Variants in LIG1 observed in about 807,000 individuals in gnomAD.
LIG1 encodes ligase I, DNA, ATP-dependent.
LIG1 carries 70 observed loss-of-function variants against 115.7 expected under a neutral mutation model. That is an observed-to-expected ratio of 0.60 (90% CI 0.50 to 0.74). The LOEUF is 0.74. LIG1 is among the 30% of genes least tolerant of loss of function. The probability of loss-of-function intolerance (pLI) is 0.00; values close to 1 mark genes in which losing one functional copy is unlikely to be tolerated. For synonymous variants in LIG1, 487 were observed against 495.3 expected, an observed-to-expected ratio of 0.98 and a Z score of 0.22; for missense variants, 1,115 against 1,225.6, an observed-to-expected ratio of 0.91 and a Z score of 1.35.
intron 9 of LIG1, among the ~76,000 whole-genome samples, chr19:48,145,712 A>G (rs1239087355): frequency 1.3e-5 from 2 of 152,190 alleles, no homozygotes; most frequent in African/African-American, 2.4e-5. Flanking sequence ...GGCTAGAACC[A>G]CAATGCTGCC....
At chr19:48,139,414 G>C (rs189262853) in intron 12 of LIG1, among the ~76,000 whole-genome samples, 3 of 152,208 alleles carry the variant, frequency 2.0e-5, no homozygotes, top group Admixed American at 2.0e-4. Context: ...CTACAGCTGG[G>C]GTCCAGCTCC....
chr19:48,121,839 C>T (rs3731018), intron 23 of LIG1, among the ~76,000 whole-genome samples: 3 of 152,138 alleles, frequency 2.0e-5, no homozygotes, highest in Admixed American at 6.5e-5. Context: ...AAATGGGAAA[C>T]GCAGGCGGGA....
At chr19:48,141,477 G>T (rs193098249) in intron 11 of LIG1, among the ~76,000 whole-genome samples, 1 of 152,152 alleles carries the variant, frequency 6.6e-6, no homozygotes, top group Admixed American at 6.5e-5. Flanking sequence ...CCCCTCTGAG[G>T]TAGGTACCAT....
intron 4 of LIG1, among the ~76,000 whole-genome samples, chr19:48,157,882 A>G (rs2035949909): frequency 6.6e-6 from 1 of 152,140 alleles, no homozygotes; most frequent in African/African-American, 2.4e-5. Flanking sequence ...TTCCCTCCAG[A>G]TCGCATGTTG....
rs192906611 is a variant in LIG1 at position 48,117,491 on chromosome 19, T to C, written c.2583+147A>G. On this transcript the variant is annotated intron_variant, in intron 26 of 27. Coordinates refer to ENST00000263274, the MANE Select transcript of LIG1 (RefSeq NM_000234.3). The stretch of plus-strand genomic sequence containing the variant: ...TAAAGAAAAAATGTTTTGATCTTTT[T>C]ATCTGACACTCAAATAAAATGCAAG... 6.8e-3 allele frequency: 6,260 copies of C among 925,666 alleles called. 39 individuals carry two copies. Among genetic ancestry groups the C allele is most frequent in the Non-Finnish European group, 8.3e-3 (5,036 of 609,640 alleles). The allele number at this position is 925,666 out of a possible 1,614,324, so 57.3% of individuals were successfully genotyped here.
intron 12 of LIG1, 67 bp downstream of exon 12, chr19:48,139,904 C>T: frequency 6.4e-7 from 1 of 1,562,436 alleles, no homozygotes. Context: ...TCCGATCCAC[C>T]TGACCTCTGC....
In LIG1 at chr19:48,165,609, G is replaced by A. The variant is rs368100309; in HGVS notation, c.-43C>T. 1.9e-4 allele frequency: 300 copies of A among 1,613,458 alleles called. No individual in the cohort carries two copies. Among genetic ancestry groups the A allele is most frequent in the Middle Eastern group, 6.6e-4 (4 of 6,062 alleles). On this transcript the variant is annotated 5_prime_UTR_variant, in exon 2 of 28. It adds an upstream start codon to the 5' untranslated region. Coordinates refer to ENST00000263274, the MANE Select transcript of LIG1 (RefSeq NM_000234.3). ...CCCTTCCTGTCCAGCACTTTTCTTCGTCTGTCAGCTGCTCCTGGAACAGAA... is the reference window on the plus strand; with the variant it reads ...CCCTTCCTGTCCAGCACTTTTCTTCATCTGTCAGCTGCTCCTGGAACAGAA...
intron 4 of LIG1, among the ~76,000 whole-genome samples, chr19:48,157,394 C>T (rs1371983550): frequency 6.6e-6 from 1 of 152,150 alleles, no homozygotes; most frequent in Non-Finnish European, 1.5e-5. Flanking sequence ...TCTCCTGCTT[C>T]AGCCTCCCAA....
At position 48,137,582 on chromosome 19, in the gene LIG1, C is replaced by A. The variant is rs749379097; in HGVS notation, c.1194G>T (p.Pro398=). 1.2e-6 allele frequency: 2 copies of A among 1,613,234 alleles called. No homozygotes were observed. The highest frequency in any genetic ancestry group is 1.7e-6 in the Non-Finnish European group (2 of 1,180,004). Residue 398 remains proline, a synonymous_variant, in exon 13 of 28, where the codon CCG becomes CCT. Transcript: ENST00000263274. This position sits in a 1 kb window ranked among gnomAD's most constrained non-coding sequence, Gnocchi z 4.3. Reference sequence around the variant, plus strand: ...TGCTGAAGACCCCGGAGGCAGTGAGCGGAGGTGGTGGCAGCATGAGCCTCT... The same window carrying A: ...TGCTGAAGACCCCGGAGGCAGTGAGAGGAGGTGGTGGCAGCATGAGCCTCT... The part of the protein sequence containing the change: ...STQRLMLPPP[P]LTASGVFSKF...
At position 48,117,713 on chromosome 19, in the gene LIG1, C is replaced by T; in HGVS notation, c.2508G>A (p.Leu836=). 1 of 1,613,044 alleles carries T rather than the reference C, an allele frequency of 6.2e-7. No individual in the cohort carries two copies. The highest frequency in any genetic ancestry group is 8.5e-7 in the Non-Finnish European group (1 of 1,179,756). Residue 836 remains leucine, a synonymous_variant, in exon 26 of 28, where the codon CTG becomes CTA. Coordinates refer to ENST00000263274, the MANE Select transcript of LIG1 (RefSeq NM_000234.3). ...IDGAVIPDHW[L]DPSAVWEVKC... ...TCACCTCCCACACAGCGCTGGGGTCCAGCCAGTGGTCGGGAATCACAGCGC... is the reference window on the plus strand; with the variant it reads ...TCACCTCCCACACAGCGCTGGGGTCTAGCCAGTGGTCGGGAATCACAGCGC...
At position 48,131,279 on chromosome 19, in the gene LIG1, G is replaced by A. The variant is rs1215073725; in HGVS notation, c.1726-108C>T. On this transcript the variant is annotated intron_variant, in intron 18 of 27. Transcript: ENST00000263274. ...GGTAGAAGGTTCTGGAAGCTCTGGA[G>A]GAGGAACTGGTGCAGAGACTTGAGC... 2.3e-5 allele frequency: 18 copies of A among 778,180 alleles called. No homozygotes were observed. In the Admixed American group the frequency reaches 3.5e-4, roughly 15 times the overall value. 48.2% of individuals were successfully genotyped at this position (778,180 alleles called of 1,614,324 possible).
intron 5 of LIG1, 23 bp downstream of exon 5, chr19:48,156,991 G>T: frequency 2.3e-6 from 1 of 433,490 alleles, no homozygotes; most frequent in Non-Finnish European, 3.2e-6. Context: ...CGACTGAAGG[G>T]GCAGGGGCCC....
rs36171813 is a variant in LIG1, at chr19:48,153,637, AACACACACACACACACACACACACAC to A, written c.466+209_466+234del. Among the ~76,000 whole-genome samples, 78 of 58,786 alleles carry A rather than the reference AACACACACACACACACACACACACAC, an allele frequency of 1.3e-3. 1 individual carries two copies. The highest frequency in any genetic ancestry group is 4.1e-3 in the African/African-American group (60 of 14,700). The allele number at this position is 58,786 out of a possible 152,430, so 38.6% of individuals were successfully genotyped here. A position where few individuals can be genotyped will look rare whatever the true frequency, so the allele number is the denominator to read the frequency against. On this transcript the variant is annotated intron_variant, in intron 6 of 27. Transcript: ENST00000263274. Reference sequence around the variant, plus strand: ...CAGGCCCCTGCCCTTGCAGATCCAAAACACACACACACACACACACACACACACACACACACACACACACACACACA... The same window carrying A: ...CAGGCCCCTGCCCTTGCAGATCCAAAACACACACACACACACACACACACA...
chr19:48,148,889 T>C (rs891945562), intron 9 of LIG1, among the ~76,000 whole-genome samples: 14 of 152,172 alleles, frequency 9.2e-5, no homozygotes, highest in African/African-American at 3.1e-4. Context: ...TCACGAGGGC[T>C]GGGGCAGGGC....
rs190609463 is a variant in LIG1, at chr19:48,121,299, G to A, written c.2256C>T (p.Gly752=). The stretch of plus-strand genomic sequence containing the variant: ...CCACCAGGTCCAGGGTGTCACCCAC[G>A]CCATCAAGGTAGTCCTTCTTCAGCT... ...WLKLKKDYLD[G]VGDTLDLVVI... is the part of the protein sequence containing the mutation. Residue 752 remains glycine (G), a synonymous_variant, in exon 24 of 28, where the codon GGC becomes GGT. Transcript: ENST00000263274. 102 of 1,608,808 alleles carry A rather than the reference G, an allele frequency of 6.3e-5. No individual in the cohort carries two copies. In the Admixed American group the frequency reaches 6.9e-4, roughly 11 times the overall value.
At chr19:48,164,734 C>A (rs2036383471) in intron 2 of LIG1, among the ~76,000 whole-genome samples, 1 of 152,206 alleles carries the variant, frequency 6.6e-6, no homozygotes, top group Non-Finnish European at 1.5e-5. Context: ...CTGTTTACTC[C>A]AGCAGGTTTC....
At chr19:48,136,453 C>A (rs1332317695) in intron 14 of LIG1, among the ~76,000 whole-genome samples, 1 of 152,160 alleles carries the variant, frequency 6.6e-6, no homozygotes, top group Non-Finnish European at 1.5e-5. Flanking sequence ...GGCGCCCGCC[C>A]TGGTGACTGT....
At position 48,157,108 on chromosome 19, in the gene LIG1, C is replaced by A; in HGVS notation, c.276G>T (p.Pro92=). The change falls in exon 5 of 28, where the codon CCG becomes CCT. Residue 92 remains proline, a synonymous_variant. Coordinates refer to ENST00000263274, the MANE Select transcript of LIG1 (RefSeq NM_000234.3). ...KPALDCSQVS[P]PRPATSPENN... The stretch of plus-strand genomic sequence containing the variant: ...TCTCAGGAGATGTGGCAGGACGGGG[C>A]GGGGAGACCTGTGAGCAGTCCAGGG... 6.2e-7 allele frequency: 1 copy of A among 1,613,242 alleles called. No homozygotes were observed. The highest frequency in any genetic ancestry group is 8.5e-7 in the Non-Finnish European group (1 of 1,179,564).
chr19:48,137,977 G>C lies in LIG1; in HGVS notation c.1088-289C>G. 1.9e-6 allele frequency: 1 copy of C among 523,388 alleles called. No individual in the cohort carries two copies. The highest frequency in any genetic ancestry group is 2.0e-5 in the South Asian group (1 of 50,250). The allele number at this position is 523,388 out of a possible 1,614,324, so 32.4% of individuals were successfully genotyped here. A position where few individuals can be genotyped will look rare whatever the true frequency, so the allele number is the denominator to read the frequency against. On this transcript the variant is annotated intron_variant, in intron 12 of 27. Transcript: ENST00000263274. This position sits in a 1 kb window ranked among gnomAD's most constrained non-coding sequence, Gnocchi z 4.3. ...ATCTGGGCCGGTGTCATCAGGGCGC[G>C]GATGGGATTTAAAGCCACAGGCGGG...
Sources: gnomAD v4.1 joint callset for allele counts (sites outside exome capture counted in the v4.1 genomes callset) on GRCh38, gnomAD v4.1.1 for gene constraint, Gnocchi (gnomAD v3.1) non-coding constraint, MANE v1.5 for transcripts, NCBI Gene and HGNC (gene_info 2026-07-23, HGNC 2026-07-21) for gene names.